Variants in SCD5 observed in about 807,000 individuals in gnomAD.
SCD5 encodes the protein stearoyl-CoA desaturase 5, also known as acyl-CoA-desaturase 4.
A neutral mutation model predicts 30.4 loss-of-function variants in SCD5; 20 were observed. The observed-to-expected ratio is 0.66, with a 90% CI of 0.46 to 0.96. The LOEUF (loss-of-function observed/expected upper bound fraction) is 0.96. SCD5 is among the 40% of genes least tolerant of loss of function. The pLI is 0.00. For missense variants in SCD5, 381 were observed against 443.3 expected, an observed-to-expected ratio of 0.86 and a Z score of 1.26; for synonymous variants, 173 against 176.4, an observed-to-expected ratio of 0.98 and a Z score of 0.16.
intron 2 of SCD5, among the ~76,000 whole-genome samples, chr4:82,683,594 C>A (rs1336039578): frequency 3.3e-5 from 5 of 152,186 alleles, no homozygotes; most frequent in African/African-American, 1.2e-4. Flanking sequence ...TTTCTTTCAT[C>A]TTGTTAAAAG....
At chr4:82,792,884 C>T (rs1722128823) in intron 1 of SCD5, among the ~76,000 whole-genome samples, 1 of 152,192 alleles carries the variant, frequency 6.6e-6, no homozygotes, top group Admixed American at 6.5e-5. Flanking sequence ...CTCTGCAGCT[C>T]TCTTTCTCAT....
At chr4:82,714,887 C>A (rs1239963087) in intron 1 of SCD5, among the ~76,000 whole-genome samples, 2 of 149,184 alleles carry the variant, frequency 1.3e-5, no homozygotes, top group Admixed American at 6.6e-5. Context: ...GGATACTCAA[C>A]CTGTATGTAG....
chr4:82,773,086 C>G (rs2148849112), intron 1 of SCD5, among the ~76,000 whole-genome samples: 1 of 152,174 alleles, frequency 6.6e-6, no homozygotes, highest in African/African-American at 2.4e-5. Context: ...AGGCCCTGGC[C>G]AGCACCCCAG....
chr4:82,770,399 C>T (rs1721594365), intron 1 of SCD5, among the ~76,000 whole-genome samples: 2 of 152,150 alleles, frequency 1.3e-5, no homozygotes, highest in Non-Finnish European at 2.9e-5. Flanking sequence ...CCTGAAAGCC[C>T]TAAGGGTTGA....
At chr4:82,687,617 AACCCATTCTGTATTTTG>A (rs1728740305) in intron 2 of SCD5, among the ~76,000 whole-genome samples, 1 of 152,158 alleles carries the variant, frequency 6.6e-6, no homozygotes, top group Non-Finnish European at 1.5e-5. Flanking sequence ...CCCTCGCTTG[AACCCATTCTGTATTTTG>A]TGCCTCCATT....
intron 3 of SCD5, among the ~76,000 whole-genome samples, chr4:82,648,128 T>G (rs531546937): frequency 1.3e-5 from 2 of 152,208 alleles, no homozygotes; most frequent in Non-Finnish European, 2.9e-5. Context: ...GGCCACTATT[T>G]GCTATCTCAG....
At chr4:82,669,089 C>T (rs886127636) in intron 3 of SCD5, among the ~76,000 whole-genome samples, 10 of 152,032 alleles carry the variant, frequency 6.6e-5, no homozygotes, top group Non-Finnish European at 1.2e-4. Context: ...CAAAGAGCAA[C>T]GGATTCAGTC....
At chr4:82,650,840 A>C (rs201740743) in intron 3 of SCD5, among the ~76,000 whole-genome samples, 1 of 10,592 alleles carries the variant, frequency 9.4e-5, no homozygotes, top group Non-Finnish European at 4.7e-4. Flanking sequence ...ATTATATATA[A>C]GATTACATAT....
chr4:82,660,907 C>A (rs368631128), intron 3 of SCD5: 24 of 1,614,062 alleles, frequency 1.5e-5, no homozygotes, highest in Non-Finnish European at 1.9e-5. Flanking sequence ...AGAAAGAGCA[C>A]GCAGCATCAA....
Position 82,798,389 on chromosome 4 carries a change from A to C in SCD5, c.149T>G (p.Val50Gly). ...CAAGTGGAGCAAGCTCATCAGGACG[A>C]CATTCCTCCAGACGATGTTCTGCCG... is the stretch of plus-strand genomic sequence containing the variant. ...GQRQNIVWRN[V>G]VLMSLLHLGA... Residue 50 changes from valine (V) to glycine (G), a missense_variant, in exon 1 of 5, where the codon GTC (valine) becomes GGC (glycine). Coordinates refer to ENST00000319540, the MANE Select transcript of SCD5 (RefSeq NM_001037582.3). 1 of 1,613,428 alleles carries C rather than the reference A, an allele frequency of 6.2e-7. No individual in the cohort carries two copies. The highest frequency in any genetic ancestry group is 8.5e-7 in the Non-Finnish European group (1 of 1,179,672).
intron 2 of SCD5, among the ~76,000 whole-genome samples, chr4:82,684,727 T>C (rs1728659392): frequency 6.6e-6 from 1 of 152,198 alleles, no homozygotes; most frequent in Non-Finnish European, 1.5e-5. Context: ...CTGGAAGCCA[T>C]ACCCCCAGCG....
intron 1 of SCD5, among the ~76,000 whole-genome samples, chr4:82,781,032 C>G (rs1044530167): frequency 2.6e-5 from 4 of 152,186 alleles, no homozygotes; most frequent in Non-Finnish European, 4.4e-5. Context: ...GGGAGAGAAA[C>G]GCAGCAGGGC....
intron 3 of SCD5, among the ~76,000 whole-genome samples, chr4:82,670,897 C>A (rs1728306401): frequency 6.6e-6 from 1 of 151,920 alleles, no homozygotes; most frequent in African/African-American, 2.4e-5. Flanking sequence ...TCAATAAAAA[C>A]TTTGACCATC....
intron 1 of SCD5, among the ~76,000 whole-genome samples, chr4:82,789,227 C>T (rs1347722319): frequency 6.6e-6 from 1 of 152,196 alleles, no homozygotes; most frequent in Non-Finnish European, 1.5e-5. Context: ...AACATTGCTG[C>T]TGCCGGCTGA....
At chr4:82,791,849 C>T (rs1012899493) in intron 1 of SCD5, among the ~76,000 whole-genome samples, 4 of 152,196 alleles carry the variant, frequency 2.6e-5, no homozygotes, top group African/African-American at 9.7e-5. Context: ...CTGTGTCACC[C>T]TTTTGCAAAT....
rs768264971 is a variant in SCD5 at position 82,661,082 on chromosome 4, TA to T, written c.569+19624del. The T allele has an allele frequency of 1.9e-6, 3 of 1,612,152 alleles. No individual in the cohort carries two copies. The African/African-American group carries it at 4.0e-5, about 22-fold the overall frequency. ...TCTTTCTGGATGTGCTGTGTACTGA[TA>T]AAAAATAAAGAAAATGACTGAGAGT... On this transcript the variant is annotated intron_variant, in intron 3 of 4. Coordinates refer to ENST00000319540, the MANE Select transcript of SCD5 (RefSeq NM_001037582.3).
intron 2 of SCD5, chr4:82,692,351 C>A: frequency 1.3e-5 from 2 of 157,158 alleles, no homozygotes; most frequent in South Asian, 3.5e-4. Context: ...AGTTCTTGGT[C>A]TGCGCCTGCT....
chr4:82,768,606 G>C (rs1185534833), intron 1 of SCD5, among the ~76,000 whole-genome samples: 1 of 152,106 alleles, frequency 6.6e-6, no homozygotes, highest in African/African-American at 2.4e-5. Flanking sequence ...AAAATTATAC[G>C]AACACTGATC....
intron 3 of SCD5, among the ~76,000 whole-genome samples, chr4:82,654,684 T>C (rs1429143760): frequency 6.6e-6 from 1 of 152,110 alleles, no homozygotes; most frequent in Non-Finnish European, 1.5e-5. Flanking sequence ...GATAAAGTCC[T>C]CTCCAGGTAG....
Sources: gnomAD v4.1 joint callset for allele counts (sites outside exome capture counted in the v4.1 genomes callset) on GRCh38, gnomAD v4.1.1 for gene constraint, MANE v1.5 for transcripts, NCBI Gene and HGNC (gene_info 2026-07-23, HGNC 2026-07-21) for gene names.